TJP1: variants seen among roughly 807,000 people sequenced by gnomAD.
TJP1 encodes the protein tight junction protein ZO-1.
A neutral mutation model predicts 194.2 loss-of-function variants in TJP1; 43 were observed. The ratio of observed to expected loss-of-function variants is 0.22; its 90% CI spans 0.17 to 0.29. The LOEUF (loss-of-function observed/expected upper bound fraction) is 0.29. TJP1 is among the 10% of genes least tolerant of loss of function. TJP1 has a pLI of 1.00. For synonymous variants in TJP1, 801 were observed against 779.0 expected, an observed-to-expected ratio of 1.03 and a Z score of -0.47; for missense variants, 1,971 against 2,185.7, an observed-to-expected ratio of 0.90 and a Z score of 1.96.
chr15:29,899,735 C>T (rs1360116480), intron 2 of TJP1, among the ~76,000 whole-genome samples: 10 of 152,180 alleles, frequency 6.6e-5, no homozygotes, highest in African/African-American at 2.4e-4. Flanking sequence ...ACCTCCTAAT[C>T]AATGTGTTAG....
intron 1 of TJP1, among the ~76,000 whole-genome samples, chr15:29,815,048 C>G (rs1174380077): frequency 6.6e-6 from 1 of 152,120 alleles, no homozygotes; most frequent in Non-Finnish European, 1.5e-5. Flanking sequence ...TTATTTTCAT[C>G]CATGCTTAGG....
intron 5 of TJP1, among the ~76,000 whole-genome samples, chr15:29,764,526 A>C (rs2046210132): frequency 6.6e-6 from 1 of 152,340 alleles, no homozygotes; most frequent in African/African-American, 2.4e-5. Context: ...TATGAGACCA[A>C]ATGAGTCTAT....
chr15:29,872,923 T>C (rs2052576872), intron 2 of TJP1, among the ~76,000 whole-genome samples: 1 of 152,184 alleles, frequency 6.6e-6, no homozygotes, highest in Non-Finnish European at 1.5e-5. Flanking sequence ...ATTCCAGAGA[T>C]ACGCATGGGA....
At chr15:29,723,806 G>T (rs2043078331) in intron 18 of TJP1, among the ~76,000 whole-genome samples, 1 of 152,182 alleles carries the variant, frequency 6.6e-6, no homozygotes, top group South Asian at 2.1e-4. Flanking sequence ...AGATCAGAAA[G>T]AAAGTGAGAA....
chr15:29,810,910 G>A lies in TJP1; in HGVS notation c.28-10208C>T, dbSNP rs565564499. On this transcript the variant is annotated intron_variant, in intron 1 of 27. Transcript: ENST00000614355. Reference sequence around the variant, plus strand: ...TACTAGACACTGTGTTAAACTACACGAATAACTGGACACAACTAGTATGAC... The same window carrying A: ...TACTAGACACTGTGTTAAACTACACAAATAACTGGACACAACTAGTATGAC... Among the ~76,000 whole-genome samples, 18 of 152,304 alleles carry A rather than the reference G, an allele frequency of 1.2e-4. No homozygotes were observed. In the South Asian group the frequency reaches 3.5e-3, roughly 30 times the overall value.
intron 2 of TJP1, among the ~76,000 whole-genome samples, chr15:29,943,312 A>C (rs2055149442): frequency 6.6e-6 from 1 of 152,220 alleles, no homozygotes; most frequent in Non-Finnish European, 1.5e-5. Context: ...TTTACAAGTT[A>C]TAGTTTTGGC....
intron 2 of TJP1, among the ~76,000 whole-genome samples, chr15:29,854,590 G>A (rs148133129): frequency 7.8e-4 from 118 of 152,190 alleles, no homozygotes; most frequent in African/African-American, 2.7e-3. Context: ...TCTCCCTCAG[G>A]GCGTGTGACC....
At chr15:29,940,724 T>C (rs1371928401) in intron 2 of TJP1, among the ~76,000 whole-genome samples, 1 of 152,160 alleles carries the variant, frequency 6.6e-6, no homozygotes, top group Non-Finnish European at 1.5e-5. Flanking sequence ...CTGAAGCAGA[T>C]CCATATTAGA....
At chr15:29,775,341 AT>A (rs1453062962) in intron 2 of TJP1, among the ~76,000 whole-genome samples, 39 of 141,218 alleles carry the variant, frequency 2.8e-4, no homozygotes, top group East Asian at 1.0e-3. Context: ...AAAAAAAAAA[AT>A]ATGCTGAGGT....
intron 2 of TJP1, among the ~76,000 whole-genome samples, chr15:29,881,207 C>G (rs1264470545): frequency 6.6e-6 from 1 of 152,130 alleles, no homozygotes; most frequent in Non-Finnish European, 1.5e-5. Context: ...ATATTAAACA[C>G]CTTTTCACAT....
At chr15:29,843,145 T>C (rs528913211) in intron 2 of TJP1, among the ~76,000 whole-genome samples, 1 of 152,304 alleles carries the variant, frequency 6.6e-6, no homozygotes, top group Non-Finnish European at 1.5e-5. Flanking sequence ...TTGCTGTTCC[T>C]ATCTTTGACT....
chr15:29,768,976 C>T (rs1176696496), intron 4 of TJP1, among the ~76,000 whole-genome samples: 3 of 151,992 alleles, frequency 2.0e-5, no homozygotes, highest in African/African-American at 7.3e-5. Flanking sequence ...AAGCATGACA[C>T]CAAGGCAGAA....
intron 2 of TJP1, among the ~76,000 whole-genome samples, chr15:29,895,504 T>C (rs1417726224): frequency 6.6e-6 from 1 of 152,216 alleles, no homozygotes; most frequent in African/African-American, 2.4e-5. Flanking sequence ...ATGTTCCTCA[T>C]TTCCGAGACC....
At chr15:29,852,411 A>C (rs1427151527) in intron 2 of TJP1, among the ~76,000 whole-genome samples, 1 of 152,212 alleles carries the variant, frequency 6.6e-6, no homozygotes, top group Non-Finnish European at 1.5e-5. Context: ...CCACAATGAG[A>C]CATCACTGCA....
At chr15:29,922,221 G>A (rs1172254283) in intron 2 of TJP1, among the ~76,000 whole-genome samples, 2 of 151,972 alleles carry the variant, frequency 1.3e-5, no homozygotes, top group African/African-American at 4.8e-5. Flanking sequence ...TAAACTCCAG[G>A]CCTGTAATCC....
intron 27 of TJP1, among the ~76,000 whole-genome samples, chr15:29,703,351 T>C (rs1473811846): frequency 6.6e-6 from 1 of 151,852 alleles, no homozygotes; most frequent in Non-Finnish European, 1.5e-5. Context: ...GGCAGGAGAA[T>C]CGCTTGAAGC....
chr15:29,753,360 T>TGA (rs2045416707), intron 8 of TJP1, among the ~76,000 whole-genome samples: 1 of 151,676 alleles, frequency 6.6e-6, no homozygotes, highest in Admixed American at 6.6e-5. Context: ...GGCGGGTGCC[T>TGA]GTAGTCCCAG....
chr15:29,807,851 C>T (rs993892782), intron 1 of TJP1, among the ~76,000 whole-genome samples: 6 of 151,906 alleles, frequency 3.9e-5, no homozygotes, highest in African/African-American at 1.5e-4. Context: ...TATTTACGTA[C>T]TCAGAAAAAA....
At chr15:29,866,458 T>G in intron 2 of TJP1, among the ~76,000 whole-genome samples, 1 of 152,234 alleles carries the variant, frequency 6.6e-6, no homozygotes, top group East Asian at 1.9e-4. Flanking sequence ...TGAACATGGC[T>G]TTGGCAGATG....
Sources: gnomAD v4.1 joint callset for allele counts (sites outside exome capture counted in the v4.1 genomes callset) on GRCh38, gnomAD v4.1.1 for gene constraint, MANE v1.5 for transcripts, NCBI Gene and HGNC (gene_info 2026-07-23, HGNC 2026-07-21) for gene names.